SORCS3: variants seen among roughly 807,000 people sequenced by gnomAD.
The protein encoded by SORCS3 is VPS10 domain-containing receptor SorCS3.
SORCS3 carries 57 observed loss-of-function variants against 146.3 expected under a neutral mutation model. The observed-to-expected ratio is 0.39, with a 90% CI of 0.31 to 0.49. The LOEUF is 0.49. SORCS3 is among the 20% of genes least tolerant of loss of function. SORCS3 has a pLI of 0.92. For missense variants in SORCS3, 1,341 were observed against 1,575.5 expected (o/e 0.85, Z 2.52); for synonymous variants, 653 against 618.5 (o/e 1.06, Z -0.83).
intron 7 of SORCS3, among the ~76,000 whole-genome samples, chr10:105,105,855 A>G (rs1037299669): frequency 6.6e-6 from 1 of 152,206 alleles, no homozygotes; most frequent in Non-Finnish European, 1.5e-5. Context: ...AGTGACTTGT[A>G]TAACTTGGCA....
chr10:104,742,898 G>A (rs530833303), intron 1 of SORCS3, among the ~76,000 whole-genome samples: 7 of 152,274 alleles, frequency 4.6e-5, no homozygotes, highest in African/African-American at 1.2e-4. Context: ...GAGACCAGGA[G>A]CACTTATTAT....
At chr10:104,995,004 G>T (rs529059016) in intron 4 of SORCS3, among the ~76,000 whole-genome samples, 1 of 152,074 alleles carries the variant, frequency 6.6e-6, no homozygotes, top group Non-Finnish European at 1.5e-5. Flanking sequence ...TTAAGAAAAT[G>T]TCAAACCATT....
chr10:104,848,662 G>A (rs532024467), intron 2 of SORCS3, among the ~76,000 whole-genome samples: 13 of 152,262 alleles, frequency 8.5e-5, no homozygotes, highest in African/African-American at 2.6e-4. Context: ...GAAATCCTCC[G>A]TCTAAAACTG....
At chr10:104,817,235 C>G (rs1426076448) in intron 1 of SORCS3, among the ~76,000 whole-genome samples, 2 of 152,190 alleles carry the variant, frequency 1.3e-5, no homozygotes, top group African/African-American at 4.8e-5. Context: ...TTAAGGGAAA[C>G]TACCCCTTAT....
chr10:104,642,150 G>A (rs1233383966), intron 1 of SORCS3, among the ~76,000 whole-genome samples, 196 bp downstream of exon 1: 4 of 152,166 alleles, frequency 2.6e-5, no homozygotes, highest in African/African-American at 9.7e-5. Flanking sequence ...CGCTGTGTGT[G>A]TTTGTTTACT....
At position 105,102,865 on chromosome 10, in the gene SORCS3, G is replaced by T. The variant is rs139725364; in HGVS notation, c.1094-2532G>T. Among the ~76,000 whole-genome samples the T allele has an allele frequency of 9.1e-3, 1,241 of 137,054 alleles. 13 individuals are homozygous for T. Among genetic ancestry groups the T allele is most frequent in the African/African-American group, 0.023 (848 of 36,088 alleles). The allele number at this position is 137,054 out of a possible 152,430, so 89.9% of individuals were successfully genotyped here. A position where few individuals can be genotyped will look rare whatever the true frequency, so the allele number is the denominator to read the frequency against. On this transcript the variant is annotated intron_variant, in intron 6 of 26. Coordinates refer to ENST00000369701, the MANE Select transcript of SORCS3 (RefSeq NM_014978.3). ...AGTACCGTGGCGCGATCTCGGCTCA[G>T]TGCAACCTCTGACTCCCTGGTTCAA...
intron 20 of SORCS3, among the ~76,000 whole-genome samples, chr10:105,228,685 G>T (rs950974049): frequency 1.3e-5 from 2 of 151,970 alleles, no homozygotes; most frequent in Non-Finnish European, 1.5e-5. Flanking sequence ...TTCTCTCCTG[G>T]TTTGTAAGAT....
At chr10:105,101,246 A>G (rs1489696452) in intron 6 of SORCS3, among the ~76,000 whole-genome samples, 1 of 152,196 alleles carries the variant, frequency 6.6e-6, no homozygotes, top group African/African-American at 2.4e-5. Context: ...AATTTGAGAC[A>G]TTTTGCATAT....
At chr10:104,698,791 A>G (rs539605517) in intron 1 of SORCS3, among the ~76,000 whole-genome samples, 2 of 152,254 alleles carry the variant, frequency 1.3e-5, no homozygotes, top group East Asian at 3.9e-4. Context: ...AACACAGGGA[A>G]GTGTGTAATC....
intron 1 of SORCS3, among the ~76,000 whole-genome samples, chr10:104,657,540 T>C (rs920815690): frequency 1.3e-5 from 2 of 152,162 alleles, no homozygotes; most frequent in African/African-American, 4.8e-5. Context: ...GCCCCTTGCC[T>C]CTCTTTACAA....
At chr10:104,738,863 C>A (rs556215254) in intron 1 of SORCS3, among the ~76,000 whole-genome samples, 1 of 152,284 alleles carries the variant, frequency 6.6e-6, no homozygotes, top group South Asian at 2.1e-4. Context: ...TATACAGATT[C>A]CCTGCCAATA....
At chr10:104,853,629 G>A (rs1456793876) in intron 2 of SORCS3, among the ~76,000 whole-genome samples, 1 of 152,166 alleles carries the variant, frequency 6.6e-6, no homozygotes, top group Non-Finnish European at 1.5e-5. Context: ...GACCACTTGG[G>A]TCAAGGAGTC....
intron 5 of SORCS3, among the ~76,000 whole-genome samples, chr10:105,077,079 G>A (rs2055593460): frequency 6.6e-6 from 1 of 152,166 alleles, no homozygotes; most frequent in South Asian, 2.1e-4. Flanking sequence ...TTTGGTTCCA[G>A]CCATATAGAA....
intron 5 of SORCS3, among the ~76,000 whole-genome samples, chr10:105,064,225 G>A (rs552210419): frequency 8.5e-5 from 13 of 152,274 alleles, no homozygotes; most frequent in African/African-American, 3.1e-4. Flanking sequence ...TGTGGTAAGA[G>A]CAATTTAAGA....
chr10:104,867,340 C>T (rs532759038), intron 2 of SORCS3, among the ~76,000 whole-genome samples: 13 of 148,926 alleles, frequency 8.7e-5, no homozygotes, highest in African/African-American at 1.7e-4. Context: ...GACGAAGTCT[C>T]GCTCTGTCGC....
chr10:104,657,034 C>G (rs1006937791), intron 1 of SORCS3, among the ~76,000 whole-genome samples: 3 of 152,192 alleles, frequency 2.0e-5, no homozygotes, highest in African/African-American at 7.2e-5. Context: ...TTGTGACTTG[C>G]TTTGGCCAAT....
At chr10:105,101,799 G>A (rs536852272) in intron 6 of SORCS3, among the ~76,000 whole-genome samples, 2 of 152,334 alleles carry the variant, frequency 1.3e-5, no homozygotes, top group African/African-American at 2.4e-5. Flanking sequence ...GATTACCAGT[G>A]CAAAGGGCTT....
chr10:105,171,878 AG>A (rs2056362635), intron 13 of SORCS3, among the ~76,000 whole-genome samples: 1 of 152,148 alleles, frequency 6.6e-6, no homozygotes, highest in Non-Finnish European at 1.5e-5. Context: ...AAGTAGGAAA[AG>A]GTCTTATAGA....
At position 105,081,409 on chromosome 10, in the gene SORCS3, C is replaced by A. The variant is rs1160664406; in HGVS notation, c.1029-8366C>A. 2.6e-5 allele frequency among the ~76,000 whole-genome samples: 4 copies of A among 152,270 alleles called. No individual in the cohort carries two copies. The East Asian group carries it at 7.7e-4, about 29-fold the overall frequency. ...TGGATTCTAGGGCCACTGACACAAG[C>A]TCTAGCTGTGTCTTTGCAAAGGGTT... On this transcript the variant is annotated intron_variant, in intron 5 of 26. Transcript: ENST00000369701.
Sources: gnomAD v4.1 joint callset for allele counts (sites outside exome capture counted in the v4.1 genomes callset) on GRCh38, gnomAD v4.1.1 for gene constraint, MANE v1.5 for transcripts, NCBI Gene and HGNC (gene_info 2026-07-23, HGNC 2026-07-21) for gene names.